DGKB: variants seen among roughly 807,000 people sequenced by gnomAD.
DGKB encodes diacylglycerol kinase beta.
DGKB carries 67 observed loss-of-function variants against 114.3 expected under a neutral mutation model. The ratio of observed to expected loss-of-function variants is 0.59; its 90% CI spans 0.48 to 0.72. DGKB has a LOEUF of 0.72. Among genes scored for constraint, DGKB ranks in the 30% least tolerant of loss-of-function variants. DGKB has a pLI of 0.00. For missense variants in DGKB, 907 were observed against 975.2 expected (o/e 0.93, Z 0.93); for synonymous variants, 398 against 323.1 (o/e 1.23, Z -2.49).
At chr7:14,611,014 T>C (rs1805455235) in intron 16 of DGKB, among the ~76,000 whole-genome samples, 1 of 152,132 alleles carries the variant, frequency 6.6e-6, no homozygotes, top group Admixed American at 6.6e-5. Flanking sequence ...CTTTCCCCTC[T>C]TTTTCCTTAC....
chr7:14,764,297 T>C (rs759547682), intron 2 of DGKB, among the ~76,000 whole-genome samples: 3 of 152,008 alleles, frequency 2.0e-5, no homozygotes, highest in Non-Finnish European at 4.4e-5. Context: ...TTAATTTATA[T>C]AATTTAATTG....
intron 21 of DGKB, among the ~76,000 whole-genome samples, chr7:14,354,141 A>G (rs1814026478): frequency 1.3e-5 from 2 of 152,200 alleles, no homozygotes; most frequent in Non-Finnish European, 2.9e-5. Context: ...GTCTGAGATT[A>G]TCTGCAAAAA....
At chr7:14,384,646 T>C (rs980530802) in intron 21 of DGKB, among the ~76,000 whole-genome samples, 8 of 152,244 alleles carry the variant, frequency 5.3e-5, no homozygotes, top group Admixed American at 5.2e-4. Flanking sequence ...GTTTTTAACT[T>C]GATTCTGACG....
chr7:14,279,080 G>A (rs922380446), intron 23 of DGKB, among the ~76,000 whole-genome samples: 2 of 152,184 alleles, frequency 1.3e-5, no homozygotes, highest in South Asian at 2.1e-4. Context: ...AAGCGCAAGG[G>A]GTCAGGGAGT....
intron 23 of DGKB, among the ~76,000 whole-genome samples, chr7:14,304,891 T>G (rs1394010550): frequency 6.6e-6 from 1 of 152,136 alleles, no homozygotes; most frequent in Non-Finnish European, 1.5e-5. Flanking sequence ...AGAAGCAGTT[T>G]TAGCTTTGGA....
intron 1 of DGKB, among the ~76,000 whole-genome samples, chr7:14,939,239 T>C (rs974498433): frequency 2.0e-5 from 3 of 152,222 alleles, no homozygotes; most frequent in Admixed American, 1.3e-4. Flanking sequence ...GTATATGTTT[T>C]ATAAGTTCAA....
chr7:14,439,044 A>T (rs1213224010), intron 21 of DGKB, among the ~76,000 whole-genome samples: 1 of 151,912 alleles, frequency 6.6e-6, no homozygotes, highest in Non-Finnish European at 1.5e-5. Context: ...TTCACTGGAA[A>T]CAACATAGCC....
At chr7:14,666,770 AT>A (rs954757798) in intron 13 of DGKB, among the ~76,000 whole-genome samples, 1 of 151,654 alleles carries the variant, frequency 6.6e-6, no homozygotes, top group African/African-American at 2.4e-5. Context: ...TTACCAGAAC[AT>A]TTTTTTTCTT....
chr7:14,356,083 C>A (rs1256498921), intron 21 of DGKB, among the ~76,000 whole-genome samples: 1 of 152,080 alleles, frequency 6.6e-6, no homozygotes, highest in Non-Finnish European at 1.5e-5. Flanking sequence ...TTATAGTATT[C>A]TCTGATGGTA....
chr7:14,748,307 GA>G (rs931842512), intron 4 of DGKB, among the ~76,000 whole-genome samples: 9 of 151,936 alleles, frequency 5.9e-5, no homozygotes, highest in Non-Finnish European at 8.8e-5. Context: ...AAATGCTATA[GA>G]AAAAAAATAA....
intron 20 of DGKB, among the ~76,000 whole-genome samples, chr7:14,498,535 A>C (rs1488942806): frequency 2.0e-5 from 3 of 151,804 alleles, no homozygotes; most frequent in Admixed American, 6.6e-5. Context: ...AAGTGTTCTG[A>C]ATTAAAATGC....
At chr7:14,706,095 G>A (rs1341397656) in intron 6 of DGKB, among the ~76,000 whole-genome samples, 1 of 145,454 alleles carries the variant, frequency 6.9e-6, no homozygotes, top group Non-Finnish European at 1.5e-5. Flanking sequence ...GACACACATA[G>A]GCTCAAAATA....
At chr7:14,731,483 C>A (rs6947137) in intron 5 of DGKB, among the ~76,000 whole-genome samples, 7,664 of 151,440 alleles carry the variant, frequency 0.051, 287 homozygotes, top group Admixed American at 0.11. Context: ...GGATACAGTG[C>A]CAATAATAAA....
At chr7:14,165,932 C>T (rs935127077) in intron 25 of DGKB, among the ~76,000 whole-genome samples, 1 of 152,210 alleles carries the variant, frequency 6.6e-6, no homozygotes, top group Non-Finnish European at 1.5e-5. Flanking sequence ...GCCTCAGAAG[C>T]ATGGTATTTC....
At chr7:14,940,676 A>G (rs1476756829) in intron 1 of DGKB, among the ~76,000 whole-genome samples, 1 of 152,172 alleles carries the variant, frequency 6.6e-6, no homozygotes, top group Non-Finnish European at 1.5e-5. Flanking sequence ...CTCAGATAAT[A>G]TAATAATTTA....
At chr7:14,810,258 T>C (rs1843260305) in intron 2 of DGKB, among the ~76,000 whole-genome samples, 1 of 152,340 alleles carries the variant, frequency 6.6e-6, no homozygotes, top group South Asian at 2.1e-4. Context: ...AAGTGACCTA[T>C]TGTCTAGTTT....
In DGKB at chr7:14,374,888, G is replaced by A. The variant is rs1434390881; in HGVS notation, c.1836-29497C>T. ...AAAATGCCTCCAGATATTGCCGAATGTCTCCTGAGGAGGGCACAGATTGTC... is the reference window on the plus strand; with the variant it reads ...AAAATGCCTCCAGATATTGCCGAATATCTCCTGAGGAGGGCACAGATTGTC... On this transcript the variant is annotated intron_variant, in intron 21 of 25. Coordinates refer to ENST00000402815, the MANE Select transcript of DGKB (RefSeq NM_001350709.2). Among the ~76,000 whole-genome samples the A allele has an allele frequency of 3.9e-5, 6 of 152,036 alleles. No individual in the cohort carries two copies. In the Admixed American group the frequency reaches 4.0e-4, roughly 10 times the overall value.
rs1305830339 is a variant in DGKB at position 14,769,118 on chromosome 7, AAAGAAAGAG to A, written c.71-11396_71-11388del. 7.9e-3 allele frequency among the ~76,000 whole-genome samples: 907 copies of A among 114,418 alleles called. 25 individuals are homozygous for A. The highest frequency in any genetic ancestry group is 0.039 in the African/African-American group (887 of 22,656). 75.1% of individuals were successfully genotyped at this position (114,418 alleles called of 152,430 possible). A position where few individuals can be genotyped will look rare whatever the true frequency, so the allele number is the denominator to read the frequency against. On this transcript the variant is annotated intron_variant, in intron 2 of 25. Coordinates refer to ENST00000402815, the MANE Select transcript of DGKB (RefSeq NM_001350709.2). ...GAAAGAAAGAAAGAAAGAAAGAAAG[AAAGAAAGAG>A]AGAGAGAGAAAGAAAGAAAGAAAGA... is the stretch of plus-strand genomic sequence containing the variant.
At chr7:14,375,769 C>T (rs1241550670) in intron 21 of DGKB, among the ~76,000 whole-genome samples, 7 of 152,194 alleles carry the variant, frequency 4.6e-5, no homozygotes, top group Non-Finnish European at 2.9e-5. Context: ...TTGATTGCCT[C>T]TCTCCTCTGA....
Sources: allele counts gnomAD v4.1 joint callset (sites outside exome capture counted in the v4.1 genomes callset), GRCh38; gene constraint gnomAD v4.1.1; transcripts MANE v1.5; gene names NCBI Gene and HGNC (gene_info 2026-07-23, HGNC 2026-07-21).